PALMD: variants seen among roughly 807,000 people sequenced by gnomAD.
PALMD encodes paralemmin-like protein.
Under a neutral mutation model 56.2 loss-of-function variants are expected in PALMD, and 42 were observed. That is an observed-to-expected ratio of 0.75 (90% CI 0.58 to 0.97). The LOEUF (loss-of-function observed/expected upper bound fraction) is 0.97. Among genes scored for constraint, PALMD ranks in the 50% least tolerant of loss-of-function variants. The pLI is 0.00. For missense variants in PALMD, 660 were observed against 643.8 expected (o/e 1.03, Z -0.27); for synonymous variants, 242 against 222.9 (o/e 1.09, Z -0.76).
chr1:99,663,172 T>G (rs921379047), intron 2 of PALMD, among the ~76,000 whole-genome samples: 3 of 152,220 alleles, frequency 2.0e-5, no homozygotes, highest in Non-Finnish European at 4.4e-5. Flanking sequence ...AAGTTAAACT[T>G]GCTGAATGCA....
chr1:99,654,790 G>T (rs1652682643), intron 1 of PALMD, among the ~76,000 whole-genome samples: 1 of 151,872 alleles, frequency 6.6e-6, no homozygotes, highest in Admixed American at 6.6e-5. Flanking sequence ...ATTTTTGTTT[G>T]GTTGGTTGGT....
Position 99,687,146 on chromosome 1 carries a change from G to A in PALMD, c.471G>A (p.Lys157=). Residue 157 remains lysine, a synonymous_variant, in exon 6 of 8, where the codon AAG becomes AAA. Transcript: ENST00000263174. ...PKSYIPSRLR[K]EINEEKEDDE... is the part of the protein sequence containing the mutation. Reference sequence around the variant, plus strand: ...CCTACATACCTTCTAGGTTAAGGAAGGAGATAAATGAAGAAAAAGAAGATG... The same window carrying A: ...CCTACATACCTTCTAGGTTAAGGAAAGAGATAAATGAAGAAAAAGAAGATG... 6.2e-7 allele frequency: 1 copy of A among 1,604,194 alleles called. No homozygotes were observed. The highest frequency in any genetic ancestry group is 8.5e-7 in the Non-Finnish European group (1 of 1,172,108).
chr1:99,683,036 GA>G (rs1197713590), intron 3 of PALMD, among the ~76,000 whole-genome samples: 3 of 12,532 alleles, frequency 2.4e-4, no homozygotes, highest in South Asian at 5.2e-3. Context: ...AAGAAAGAAA[GA>G]AAGAAAGAAA....
chr1:99,682,065 C>T (rs1363786464), intron 3 of PALMD, among the ~76,000 whole-genome samples: 1 of 152,168 alleles, frequency 6.6e-6, no homozygotes, highest in Non-Finnish European at 1.5e-5. Context: ...TCCTTACTCT[C>T]AGTTATGCTT....
At chr1:99,685,825 G>A (rs1653480143) in intron 3 of PALMD, 2 of 152,150 alleles carry the variant, frequency 1.3e-5, no homozygotes, top group African/African-American at 4.8e-5. Context: ...GGCTGCCAAG[G>A]GCCAGCCTTC....
At chr1:99,692,196 T>A (rs575274395) in intron 7 of PALMD, among the ~76,000 whole-genome samples, 4 of 152,322 alleles carry the variant, frequency 2.6e-5, no homozygotes, top group African/African-American at 9.6e-5. Flanking sequence ...CAACCTATTC[T>A]TGTACTTCCA....
rs1408396879 is a variant in PALMD, at chr1:99,688,874, C to A, written c.614C>A (p.Thr205Lys). The A allele has an allele frequency of 1.2e-6, 2 of 1,613,344 alleles. No individual in the cohort carries two copies. The highest frequency in any genetic ancestry group is 1.7e-6 in the Non-Finnish European group (2 of 1,179,464). Reference sequence around the variant, plus strand: ...CTGCCATCAGATGACTTTAAAGGTACAGGAATAAAAGTTTATGATGATGGG... The same window carrying A: ...CTGCCATCAGATGACTTTAAAGGTAAAGGAATAAAAGTTTATGATGATGGG... The part of the protein sequence containing the change: ...IPLPSDDFKG[T>K]GIKVYDDGQK... The change falls in exon 7 of 8, where the codon ACA becomes AAA. Residue 205 changes from threonine (T) to lysine (K), a missense_variant. By Grantham distance (78) the Thr-to-Lys change is moderately conservative (BLOSUM62 -1). Transcript: ENST00000263174.
intron 1 of PALMD, among the ~76,000 whole-genome samples, chr1:99,655,300 T>C (rs1652697338): frequency 6.6e-6 from 1 of 152,022 alleles, no homozygotes. Flanking sequence ...ATAAATAATA[T>C]TAAAAACATA....
chr1:99,679,981 C>A (rs541736861), intron 3 of PALMD, among the ~76,000 whole-genome samples: 1 of 152,312 alleles, frequency 6.6e-6, no homozygotes, highest in South Asian at 2.1e-4. Flanking sequence ...AATGCTAACA[C>A]ATGAAGTACT....
rs1652440931 is a variant in PALMD, at chr1:99,646,218, T to C, written c.-100T>C. ...CTGGTGCAAAGAGCGGATTTCTCCC[T>C]GCTTCTCTTCTGTCACCCCCGCTCC... is the stretch of plus-strand genomic sequence containing the variant. On this transcript the variant is annotated 5_prime_UTR_variant, in exon 1 of 8. Coordinates refer to ENST00000263174, the MANE Select transcript of PALMD (RefSeq NM_017734.5). 1 of 912,952 alleles carries C rather than the reference T, an allele frequency of 1.1e-6. No individual in the cohort carries two copies. The highest frequency in any genetic ancestry group is 1.8e-5 in the Admixed American group (1 of 54,786). 56.6% of individuals were successfully genotyped at this position (912,952 alleles called of 1,614,324 possible).
In PALMD at chr1:99,671,778, T is replaced by C. The variant is rs1020218317; in HGVS notation, c.251+4012T>C. The stretch of plus-strand genomic sequence containing the variant: ...TAAACATTTCATGTACATTATTTCA[T>C]TGAGTTCTCACAACTACCCTATTAG... On this transcript the variant is annotated intron_variant, in intron 3 of 7. Coordinates refer to ENST00000263174, the MANE Select transcript of PALMD (RefSeq NM_017734.5). Among the ~76,000 whole-genome samples, 7 of 152,286 alleles carry C rather than the reference T, an allele frequency of 4.6e-5. No homozygotes were observed. In the South Asian group the frequency reaches 8.3e-4, roughly 18 times the overall value.
intron 1 of PALMD, among the ~76,000 whole-genome samples, chr1:99,657,832 A>C (rs977972493): frequency 1.3e-5 from 2 of 152,132 alleles, no homozygotes; most frequent in African/African-American, 4.8e-5. Context: ...CTTGACTTGA[A>C]TGCCCTTTCT....
chr1:99,675,309 A>G (rs1653175870), intron 3 of PALMD, among the ~76,000 whole-genome samples: 1 of 152,234 alleles, frequency 6.6e-6, no homozygotes, highest in Non-Finnish European at 1.5e-5. Context: ...CACTATCTAC[A>G]TCATTGAATA....
At chr1:99,668,597 A>G (rs908789736) in intron 3 of PALMD, 19 of 152,170 alleles carry the variant, frequency 1.2e-4, no homozygotes, top group Non-Finnish European at 2.4e-4. Context: ...ATTGGAAAGA[A>G]GGTTCTATAG....
At chr1:99,687,236 T>G (rs758489705) in intron 6 of PALMD, 47 bp downstream of exon 6, 4 of 1,549,750 alleles carry the variant, frequency 2.6e-6, no homozygotes, top group Non-Finnish European at 3.5e-6. Context: ...ATTTCAGATT[T>G]TACAGTGTCA....
intron 1 of PALMD, among the ~76,000 whole-genome samples, chr1:99,652,730 G>GAAAAGAAAAGAAAAT (rs1652624074): frequency 2.3e-5 from 2 of 88,150 alleles, no homozygotes; most frequent in African/African-American, 1.0e-4. Flanking sequence ...GAAAAGAAAA[G>GAAAAGAAAAGAAAAT]AAAAGAAAAG....
intron 1 of PALMD, among the ~76,000 whole-genome samples, chr1:99,661,087 A>G (rs1223634147): frequency 1.3e-5 from 2 of 152,182 alleles, no homozygotes; most frequent in Admixed American, 1.3e-4. Flanking sequence ...ATGCACTTAC[A>G]TCAATAATGC....
chr1:99,676,119 A>G (rs916651243), intron 3 of PALMD, among the ~76,000 whole-genome samples: 2 of 152,148 alleles, frequency 1.3e-5, no homozygotes, highest in African/African-American at 4.8e-5. Flanking sequence ...TTAAATGCTC[A>G]GGATTAGAGG....
At chr1:99,689,959 C>A in intron 7 of PALMD, 87 bp downstream of exon 7, 1 of 1,256,242 alleles carries the variant, frequency 8.0e-7, no homozygotes, top group Non-Finnish European at 1.1e-6. Flanking sequence ...TCAGGCTTCT[C>A]TGACCACCTC....
Sources: gnomAD v4.1 joint callset for allele counts (sites outside exome capture counted in the v4.1 genomes callset) on GRCh38, gnomAD v4.1.1 for gene constraint, MANE v1.5 for transcripts, NCBI Gene and HGNC (gene_info 2026-07-23, HGNC 2026-07-21) for gene names.